CNST: variants seen among roughly 807,000 people sequenced by gnomAD.
CNST encodes consortin.
Under a neutral mutation model 72.4 loss-of-function variants are expected in CNST, and 39 were observed. The ratio of observed to expected loss-of-function variants is 0.54; its 90% CI spans 0.42 to 0.70. CNST has a LOEUF of 0.70. CNST is among the 30% of genes least tolerant of loss of function. CNST has a pLI of 0.00. For missense variants in CNST, 871 were observed against 868.5 expected, an observed-to-expected ratio of 1.00 and a Z score of -0.04; for synonymous variants, 332 against 320.1, an observed-to-expected ratio of 1.04 and a Z score of -0.40.
chr1:246,615,831 T>C (rs1226205539), intron 2 of CNST, among the ~76,000 whole-genome samples: 2 of 151,966 alleles, frequency 1.3e-5, no homozygotes, highest in Non-Finnish European at 1.5e-5. Flanking sequence ...TGAGCCGAGA[T>C]TGTGCAATTG....
At chr1:246,569,886 C>G in intron 1 of CNST, 2 of 961,348 alleles carry the variant, frequency 2.1e-6, no homozygotes, top group Non-Finnish European at 2.5e-6. Flanking sequence ...GAGTTTCTGT[C>G]GACTAAATTG....
chr1:246,640,020 C>G (rs1665581092), intron 6 of CNST, among the ~76,000 whole-genome samples: 1 of 152,144 alleles, frequency 6.6e-6, no homozygotes, highest in South Asian at 2.1e-4. Context: ...GCACAAGTGG[C>G]CTTGCGCCTT....
intron 2 of CNST, among the ~76,000 whole-genome samples, chr1:246,592,964 T>C (rs1311788863): frequency 1.3e-5 from 2 of 152,198 alleles, no homozygotes; most frequent in Non-Finnish European, 2.9e-5. Flanking sequence ...AGTTTTGGTA[T>C]GCCCTAGACT....
At chr1:246,603,571 A>C (rs1662454821) in intron 2 of CNST, among the ~76,000 whole-genome samples, 1 of 152,216 alleles carries the variant, frequency 6.6e-6, no homozygotes, top group Non-Finnish European at 1.5e-5. Flanking sequence ...AACATTTGGA[A>C]ATGTAGTCAC....
chr1:246,621,779 G>C (rs991480559), intron 3 of CNST, 145 bp downstream of exon 3: 3 of 708,098 alleles, frequency 4.2e-6, no homozygotes, highest in Non-Finnish European at 7.3e-6. Flanking sequence ...TGGATGGCTT[G>C]AGCTCAGGAG....
intron 1 of CNST, among the ~76,000 whole-genome samples, chr1:246,584,580 C>G (rs1661014284): frequency 6.6e-6 from 1 of 152,074 alleles, no homozygotes; most frequent in African/African-American, 2.4e-5. Context: ...ATTCTTTTAG[C>G]CAGATTGTGG....
At chr1:246,633,146 TCAAAAC>T (rs1664883005) in intron 4 of CNST, among the ~76,000 whole-genome samples, 1 of 152,090 alleles carries the variant, frequency 6.6e-6, no homozygotes, top group African/African-American at 2.4e-5. Context: ...TTTACCTACT[TCAAAAC>T]CAAGAAACAT....
chr1:246,666,436 T>C lies in CNST; in HGVS notation c.*531T>C, dbSNP rs1396195219. ...GTTCTCCACTTATGAAGTGATTGTG[T>C]GTTTGCGTGTGTGTGCGTGCGCATG... On this transcript the variant is annotated 3_prime_UTR_variant, in exon 11 of 11. Coordinates refer to ENST00000366513, the MANE Select transcript of CNST (RefSeq NM_152609.3). 6.5e-6 allele frequency: 1 copy of C among 152,936 alleles called. No individual in the cohort carries two copies. The highest frequency in any genetic ancestry group is 6.5e-5 in the Admixed American group (1 of 15,304). The allele number at this position is 152,936 out of a possible 1,614,324, so 9.5% of individuals were successfully genotyped here.
intron 3 of CNST, among the ~76,000 whole-genome samples, chr1:246,627,911 T>A (rs1664540871): frequency 6.6e-6 from 1 of 151,266 alleles, no homozygotes; most frequent in African/African-American, 2.4e-5. Context: ...ATATATATCC[T>A]ATATATATTT....
intron 1 of CNST, among the ~76,000 whole-genome samples, chr1:246,581,326 C>T (rs1465374496): frequency 3.3e-5 from 5 of 151,990 alleles, no homozygotes; most frequent in Admixed American, 6.6e-5. Flanking sequence ...AGTGCAATGG[C>T]GCAATCTTGG....
At chr1:246,603,907 G>A (rs531340814) in intron 2 of CNST, among the ~76,000 whole-genome samples, 3 of 152,212 alleles carry the variant, frequency 2.0e-5, no homozygotes, top group South Asian at 2.1e-4. Context: ...TGTGTTATGA[G>A]AATTATATCT....
chr1:246,587,279 TC>T (rs776005928), intron 1 of CNST, among the ~76,000 whole-genome samples: 17 of 152,328 alleles, frequency 1.1e-4, no homozygotes, highest in East Asian at 3.9e-4. Context: ...AGCATTTTAT[TC>T]AGATAATGCA....
intron 2 of CNST, among the ~76,000 whole-genome samples, chr1:246,613,322 C>T (rs1663456968): frequency 6.6e-6 from 1 of 152,130 alleles, no homozygotes; most frequent in African/African-American, 2.4e-5. Flanking sequence ...ACATTCCTTT[C>T]CTCAGGGTGT....
At position 246,629,913 on chromosome 1, in the gene CNST, G is replaced by T. The variant is rs145716612; in HGVS notation, c.586-1981G>T. Among the ~76,000 whole-genome samples, 321 of 152,288 alleles carry T rather than the reference G, an allele frequency of 2.1e-3. 1 individual carries two copies. Among genetic ancestry groups the T allele is most frequent in the African/African-American group, 7.4e-3 (309 of 41,562 alleles). On this transcript the variant is annotated intron_variant, in intron 3 of 10. Transcript: ENST00000366513. ...CACCCAGCTAATTTTTGTGTTTTTA[G>T]TAGAGACAGTATTTCGCCATGTTGG...
At chr1:246,650,986 C>G (rs1230406562) in intron 9 of CNST, among the ~76,000 whole-genome samples, 2 of 152,088 alleles carry the variant, frequency 1.3e-5, no homozygotes. Flanking sequence ...CCTTCAAACA[C>G]TTTTTCTGTT....
intron 8 of CNST, among the ~76,000 whole-genome samples, chr1:246,643,066 A>T (rs1006920533): frequency 2.0e-5 from 3 of 151,008 alleles, no homozygotes; most frequent in Non-Finnish European, 4.4e-5. Flanking sequence ...ATTTTTAAAA[A>T]TTTTTGTGGG....
chr1:246,603,927 C>A (rs1439900431), intron 2 of CNST, among the ~76,000 whole-genome samples: 2 of 152,012 alleles, frequency 1.3e-5, no homozygotes, highest in Admixed American at 6.6e-5. Flanking sequence ...TCAGTAAAGC[C>A]GTTAAAAGAA....
In CNST at chr1:246,665,750, A is replaced by G. The variant is rs1295690362; in HGVS notation, c.2023A>G (p.Thr675Ala). The G allele has an allele frequency of 1.2e-6, 2 of 1,613,608 alleles. No individual in the cohort carries two copies. The highest frequency in any genetic ancestry group is 2.7e-5 in the African/African-American group (2 of 74,930). The change falls in exon 11 of 11, where the codon ACG (threonine) becomes GCG (alanine). Residue 675 changes from threonine to alanine, a missense_variant. By Grantham distance (58) the Thr-to-Ala change is moderately conservative (BLOSUM62 0). Coordinates refer to ENST00000366513, the MANE Select transcript of CNST (RefSeq NM_152609.3). ...CILLVLLCIA[T>A]VFLSVGGTAL... ...TTTGCTGGTCTTGCTGTGCATAGCA[A>G]CGGTTTTCCTCAGTGTTGGAGGAAC...
chr1:246,585,297 T>C (rs1661061421), intron 1 of CNST, among the ~76,000 whole-genome samples: 1 of 152,160 alleles, frequency 6.6e-6, no homozygotes, highest in Non-Finnish European at 1.5e-5. Flanking sequence ...TTGTCTGAAA[T>C]GAGCCAGTCT....
Sources: gnomAD v4.1 joint callset for allele counts (sites outside exome capture counted in the v4.1 genomes callset) on GRCh38, gnomAD v4.1.1 for gene constraint, MANE v1.5 for transcripts, NCBI Gene and HGNC (gene_info 2026-07-23, HGNC 2026-07-21) for gene names.